The following PTPRD variants were observed in gnomAD, a reference collection of about 807,000 sequenced individuals.
PTPRD encodes the protein receptor-type tyrosine-protein phosphatase delta.
In PTPRD, 34 loss-of-function variants were observed where a neutral mutation model predicts 214.5. That is an observed-to-expected ratio of 0.16 (90% CI 0.12 to 0.21). The LOEUF (loss-of-function observed/expected upper bound fraction) is 0.21, where lower values mean the gene tolerates loss of function less well. Among genes scored for constraint, PTPRD ranks in the 10% least tolerant of loss-of-function variants. The probability of loss-of-function intolerance (pLI) is 1.00; values close to 1 mark genes in which losing one functional copy is unlikely to be tolerated. For synonymous variants in PTPRD, 1,128 were observed against 845.7 expected, an observed-to-expected ratio of 1.33 and a Z score of -5.79; for missense variants, 2,545 against 2,398.7, an observed-to-expected ratio of 1.06 and a Z score of -1.27.
At chr9:10,100,512 G>T (rs1289878531) in intron 3 of PTPRD, among the ~76,000 whole-genome samples, 1 of 151,624 alleles carries the variant, frequency 6.6e-6, no homozygotes, top group Non-Finnish European at 1.5e-5. Flanking sequence ...AAAGGAGGAT[G>T]ATCTCAGAGC....
At position 9,884,873 on chromosome 9, in the gene PTPRD, G is replaced by A. The variant is rs1387037760; in HGVS notation, c.-368+53634C>T. Among the ~76,000 whole-genome samples, 4 of 152,062 alleles carry A rather than the reference G, an allele frequency of 2.6e-5. No homozygotes were observed. The East Asian group carries it at 7.7e-4, about 29-fold the overall frequency. On this transcript the variant is annotated intron_variant, in intron 5 of 45. Coordinates refer to ENST00000381196, the MANE Select transcript of PTPRD (RefSeq NM_002839.4). ...TCTGCCACGATTGTAAGTTTCCTGA[G>A]GCCACCCCAGCCCAATGGAACTACG...
intron 12 of PTPRD, among the ~76,000 whole-genome samples, chr9:8,702,677 G>A (rs941045717): frequency 5.3e-5 from 8 of 152,144 alleles, no homozygotes; most frequent in East Asian, 3.9e-4. Flanking sequence ...GCAGTGGCAC[G>A]ATCTCGGCTC....
chr9:10,500,395 T>G lies in PTPRD; in HGVS notation c.-600+112003A>C, dbSNP rs529768133. Reference sequence around the variant, plus strand: ...AGTTTCAGAGGGTTCATGGACAACCTTGATTCTTTTGTTAATTTTTAATTT... The same window carrying G: ...AGTTTCAGAGGGTTCATGGACAACCGTGATTCTTTTGTTAATTTTTAATTT... On this transcript the variant is annotated intron_variant, in intron 2 of 45. Transcript: ENST00000381196. 3.3e-5 allele frequency among the ~76,000 whole-genome samples: 5 copies of G among 151,992 alleles called. No individual in the cohort carries two copies. The South Asian group carries it at 1.0e-3, about 31-fold the overall frequency.
intron 14 of PTPRD, among the ~76,000 whole-genome samples, chr9:8,632,827 T>G (rs143696685): frequency 2.6e-4 from 39 of 152,142 alleles, no homozygotes; most frequent in African/African-American, 9.1e-4. Flanking sequence ...ATAAAAAATG[T>G]ATTTTTTTTC....
intron 35 of PTPRD, among the ~76,000 whole-genome samples, chr9:8,413,319 T>C (rs753815092): frequency 1.6e-4 from 24 of 152,172 alleles, no homozygotes; most frequent in Non-Finnish European, 3.2e-4. Context: ...AATTGAAACA[T>C]AAATTAACTT....
chr9:8,930,607 A>T (rs1588261040), intron 11 of PTPRD, among the ~76,000 whole-genome samples: 1 of 152,176 alleles, frequency 6.6e-6, no homozygotes, highest in Non-Finnish European at 1.5e-5. Context: ...GTTTTCCCAC[A>T]TCCTCTCCAG....
At chr9:8,967,518 CA>C (rs2099204937) in intron 11 of PTPRD, among the ~76,000 whole-genome samples, 1 of 152,122 alleles carries the variant, frequency 6.6e-6, no homozygotes, top group African/African-American at 2.4e-5. Flanking sequence ...ATGTCCTTTG[CA>C]ACAACATAGA....
intron 8 of PTPRD, among the ~76,000 whole-genome samples, chr9:9,567,097 C>A (rs1234220593): frequency 1.3e-5 from 2 of 151,936 alleles, no homozygotes; most frequent in East Asian, 1.9e-4. Context: ...AATGAAAGCG[C>A]ACATAGGTCA....
chr9:9,379,063 T>G (rs776868373), intron 9 of PTPRD, among the ~76,000 whole-genome samples: 1 of 151,612 alleles, frequency 6.6e-6, no homozygotes. Context: ...GGTGTTATAA[T>G]TAAAAAGTCA....
chr9:9,756,256 A>C (rs1347333635), intron 6 of PTPRD, among the ~76,000 whole-genome samples: 3 of 152,140 alleles, frequency 2.0e-5, no homozygotes, highest in Non-Finnish European at 4.4e-5. Context: ...TAGCTTCTAA[A>C]TAAGACAAAG....
At chr9:9,574,428 T>G (rs549004383) in intron 8 of PTPRD, among the ~76,000 whole-genome samples, 1 of 152,104 alleles carries the variant, frequency 6.6e-6, no homozygotes, top group East Asian at 1.9e-4. Context: ...TATGAAAAAT[T>G]TAATGGATAA....
intron 7 of PTPRD, among the ~76,000 whole-genome samples, chr9:9,635,017 C>T (rs1429835707): frequency 1.3e-5 from 2 of 152,050 alleles, no homozygotes; most frequent in African/African-American, 2.4e-5. Flanking sequence ...AGATGTTCAA[C>T]AATATATTGA....
At chr9:9,289,838 T>C (rs1053130517) in intron 9 of PTPRD, among the ~76,000 whole-genome samples, 2 of 151,706 alleles carry the variant, frequency 1.3e-5, no homozygotes, top group Admixed American at 1.3e-4. Flanking sequence ...ACATAAACCA[T>C]ATTTTCTTTA....
At chr9:8,824,389 G>C (rs1183932901) in intron 11 of PTPRD, among the ~76,000 whole-genome samples, 1 of 152,132 alleles carries the variant, frequency 6.6e-6, no homozygotes, top group African/African-American at 2.4e-5. Flanking sequence ...TGATATTTTG[G>C]CCTAACTATG....
intron 11 of PTPRD, among the ~76,000 whole-genome samples, chr9:9,001,166 C>G (rs936337215): frequency 6.6e-6 from 1 of 151,924 alleles, no homozygotes; most frequent in African/African-American, 2.4e-5. Context: ...TTAACATAAT[C>G]AACAGAAACG....
At chr9:9,547,158 C>G (rs2078996474) in intron 8 of PTPRD, among the ~76,000 whole-genome samples, 2 of 151,850 alleles carry the variant, frequency 1.3e-5, no homozygotes, top group Admixed American at 1.3e-4. Flanking sequence ...ACAAGGAAAC[C>G]CTGTCTAAAT....
intron 11 of PTPRD, among the ~76,000 whole-genome samples, chr9:8,876,311 G>A (rs2098389683): frequency 6.6e-6 from 1 of 151,918 alleles, no homozygotes; most frequent in Non-Finnish European, 1.5e-5. Context: ...TACACTTGGG[G>A]TATATATTAG....
At chr9:10,320,070 A>G (rs1005943580) in intron 3 of PTPRD, among the ~76,000 whole-genome samples, 6 of 152,034 alleles carry the variant, frequency 3.9e-5, no homozygotes, top group Admixed American at 1.3e-4. Flanking sequence ...AAATTCTAAA[A>G]TCTTTACATG....
intron 3 of PTPRD, among the ~76,000 whole-genome samples, chr9:10,245,339 T>C (rs2091901245): frequency 6.6e-6 from 1 of 152,160 alleles, no homozygotes; most frequent in Non-Finnish European, 1.5e-5. Context: ...GCGTAGGTAA[T>C]CTGATAATCA....
Sources: gnomAD v4.1 joint callset for allele counts (sites outside exome capture counted in the v4.1 genomes callset) on GRCh38, gnomAD v4.1.1 for gene constraint, MANE v1.5 for transcripts, NCBI Gene and HGNC (gene_info 2026-07-23, HGNC 2026-07-21) for gene names.